EXT2: variants seen among roughly 807,000 people sequenced by gnomAD.
EXT2 encodes the protein exostosin glycosyltransferase 2, also known as exostosin-2.
EXT2 carries 53 observed loss-of-function variants against 81.6 expected under a neutral mutation model. The observed-to-expected ratio is 0.65, with a 90% confidence interval of 0.52 to 0.82. EXT2 has a LOEUF of 0.82. Ranked by LOEUF, EXT2 falls within the 40% of genes least tolerant of loss-of-function variation. EXT2 has a pLI of 0.00. For missense variants in EXT2, 774 were observed against 910.2 expected, an observed-to-expected ratio of 0.85 and a Z score of 1.93; for synonymous variants, 320 against 340.0, an observed-to-expected ratio of 0.94 and a Z score of 0.65.
intron 8 of EXT2, among the ~76,000 whole-genome samples, chr11:44,187,690 A>AT (rs1278513782): frequency 2.0e-5 from 3 of 152,196 alleles, no homozygotes; most frequent in South Asian, 4.2e-4. Flanking sequence ...ACAGGAGGGT[A>AT]TTTTTTGTGC....
chr11:44,206,525 G>C (rs542784239), intron 9 of EXT2, among the ~76,000 whole-genome samples: 1 of 151,990 alleles, frequency 6.6e-6, no homozygotes, highest in Non-Finnish European at 1.5e-5. Context: ...AGAATTAGTA[G>C]TGTTACAAGG....
chr11:44,213,907 T>C (rs1028223904), intron 10 of EXT2, among the ~76,000 whole-genome samples: 2 of 152,156 alleles, frequency 1.3e-5, no homozygotes, highest in Admixed American at 1.3e-4. Context: ...AAAGAATAAA[T>C]AGTATAAATT....
At position 44,107,823 on chromosome 11, in the gene EXT2, C is replaced by T. The variant is rs759332687; in HGVS notation, c.111C>T (p.Leu37=). The T allele has an allele frequency of 1.2e-6, 2 of 1,614,142 alleles. No homozygotes were observed. Among genetic ancestry groups the T allele is most frequent in the Non-Finnish European group, 1.7e-6 (2 of 1,180,042 alleles). ...TCTTCTCCATTGTCCTCCTGGGCCT[C>T]ATTGCCACTGGCATGTTTCAGTTTT... is the stretch of plus-strand genomic sequence containing the variant. The part of the protein sequence containing the change: ...ITLFSIVLLG[L]IATGMFQFWP... Residue 37 remains leucine, a synonymous_variant, in exon 2 of 14, where the codon CTC becomes CTT. Coordinates refer to ENST00000533608, the MANE Select transcript of EXT2 (RefSeq NM_207122.2).
intron 8 of EXT2, among the ~76,000 whole-genome samples, chr11:44,183,717 G>A (rs958080464): frequency 6.6e-6 from 1 of 151,140 alleles, no homozygotes; most frequent in Non-Finnish European, 1.5e-5. Flanking sequence ...TTTGACTAAT[G>A]TGTTTTTTAC....
At chr11:44,243,295 T>C (rs1956057749) in intron 13 of EXT2, among the ~76,000 whole-genome samples, 1 of 152,160 alleles carries the variant, frequency 6.6e-6, no homozygotes, top group Non-Finnish European at 1.5e-5. Flanking sequence ...TTGGCCTGAT[T>C]GACCAGAGCC....
chr11:44,111,707 G>C (rs1004800122), intron 3 of EXT2, among the ~76,000 whole-genome samples: 1 of 152,090 alleles, frequency 6.6e-6, no homozygotes, highest in Non-Finnish European at 1.5e-5. Context: ...CATATCCTCT[G>C]TCCAGCTTCG....
intron 3 of EXT2, among the ~76,000 whole-genome samples, chr11:44,109,670 T>A (rs1281409821): frequency 6.6e-6 from 1 of 152,184 alleles, no homozygotes; most frequent in African/African-American, 2.4e-5. Context: ...GCCTATAATG[T>A]AGAGGGTAAT....
intron 8 of EXT2, among the ~76,000 whole-genome samples, chr11:44,175,987 G>A (rs901829663): frequency 1.3e-5 from 2 of 152,342 alleles, no homozygotes. Flanking sequence ...GTGTGAACAA[G>A]TGATAACTCA....
chr11:44,138,276 T>C (rs946720409), intron 7 of EXT2, among the ~76,000 whole-genome samples: 7 of 152,108 alleles, frequency 4.6e-5, no homozygotes, highest in African/African-American at 1.7e-4. Context: ...GTGAACATAA[T>C]TGAAGAGATT....
At chr11:44,188,411 G>A (rs1436685228) in intron 8 of EXT2, among the ~76,000 whole-genome samples, 4 of 152,244 alleles carry the variant, frequency 2.6e-5, no homozygotes, top group African/African-American at 9.6e-5. Context: ...AAACCTGTCT[G>A]TATTGACCCT....
chr11:44,213,801 G>A (rs1313311263), intron 10 of EXT2, among the ~76,000 whole-genome samples: 1 of 152,194 alleles, frequency 6.6e-6, no homozygotes, highest in African/African-American at 2.4e-5. Context: ...ATGTGGGACT[G>A]AAGAAATATT....
Position 44,234,140 on chromosome 11 carries a change from A to G in EXT2, c.1832A>G (p.Lys611Arg), listed in dbSNP as rs1166871577. The G allele has an allele frequency of 6.2e-7, 1 of 1,614,126 alleles. No individual in the cohort carries two copies. The highest frequency in any genetic ancestry group is 8.5e-7 in the Non-Finnish European group (1 of 1,179,986). The stretch of plus-strand genomic sequence containing the variant: ...TATTTTAATTACCTGTATACCTACA[A>G]AATGCCTGGGGATATCAAGAACTGG... Reference protein sequence around the residue: ...HKYFNYLYTYKMPGDIKNWVD... With the variant: ...HKYFNYLYTYRMPGDIKNWVD... Residue 611 changes from lysine to arginine, a missense_variant, in exon 12 of 14, where the codon AAA (lysine) becomes AGA (arginine). Physicochemically the swap from Lys to Arg is conservative, Grantham distance 26 (BLOSUM62 2). Around this residue, in one of 2 missense-constraint regions of EXT2, gnomAD observed 148 missense variants for 239.7 expected, o/e 0.62. Coordinates refer to ENST00000533608, the MANE Select transcript of EXT2 (RefSeq NM_207122.2).
chr11:44,130,987 G>T (rs1266649531), intron 7 of EXT2, among the ~76,000 whole-genome samples: 1 of 152,192 alleles, frequency 6.6e-6, no homozygotes, highest in African/African-American at 2.4e-5. Context: ...TGTCTGGATG[G>T]GGACAGCGCA....
chr11:44,143,372 A>G (rs1186324375), intron 7 of EXT2, among the ~76,000 whole-genome samples: 1 of 152,158 alleles, frequency 6.6e-6, no homozygotes, highest in East Asian at 1.9e-4. Context: ...GGAATTTTCA[A>G]ACTTCACATA....
At chr11:44,111,657 A>T (rs1445540768) in intron 3 of EXT2, among the ~76,000 whole-genome samples, 1 of 152,180 alleles carries the variant, frequency 6.6e-6, no homozygotes, top group Non-Finnish European at 1.5e-5. Context: ...GGAAAATTTC[A>T]CACCTATATA....
At chr11:44,211,901 GAA>G (rs1358535364) in intron 10 of EXT2, among the ~76,000 whole-genome samples, 12 of 152,216 alleles carry the variant, frequency 7.9e-5, no homozygotes, top group African/African-American at 2.9e-4. Flanking sequence ...TTGTCAATAA[GAA>G]TAACATTTTT....
chr11:44,206,698 C>A, intron 9 of EXT2, 95 bp from the exon 10 acceptor site: 1 of 1,333,022 alleles, frequency 7.5e-7, no homozygotes, highest in Non-Finnish European at 1.1e-6. Flanking sequence ...TGGATACAAG[C>A]TGATTCTCCC....
At chr11:44,241,273 G>A (rs1320000246) in intron 13 of EXT2, among the ~76,000 whole-genome samples, 1 of 151,946 alleles carries the variant, frequency 6.6e-6, no homozygotes, top group Non-Finnish European at 1.5e-5. Context: ...AGACAGTATT[G>A]ACTTAAAAAA....
chr11:44,244,638 C>T lies in EXT2; in HGVS notation c.*351C>T, dbSNP rs772938456. ...GAAGGAAACTTCACGGACAGGAAGACTGCTGGAGAAGAGAAGCGTGTTAGC... is the reference window on the plus strand; with the variant it reads ...GAAGGAAACTTCACGGACAGGAAGATTGCTGGAGAAGAGAAGCGTGTTAGC... On this transcript the variant is annotated 3_prime_UTR_variant, in exon 14 of 14. Transcript: ENST00000533608. 2.2e-5 allele frequency: 9 copies of T among 404,836 alleles called. No homozygotes were observed. Among genetic ancestry groups the T allele is most frequent in the African/African-American group, 5.9e-5 (3 of 50,594 alleles). 25.1% of individuals were successfully genotyped at this position (404,836 alleles called of 1,614,324 possible).
Sources: gnomAD v4.1 joint callset for allele counts (sites outside exome capture counted in the v4.1 genomes callset) on GRCh38, gnomAD v4.1.1 for gene constraint, gnomAD v4.1.1 regional missense constraint, MANE v1.5 for transcripts, NCBI Gene and HGNC (gene_info 2026-07-23, HGNC 2026-07-21) for gene names.